TMEM108: variants seen among roughly 807,000 people sequenced by gnomAD.
TMEM108 encodes the protein cancer/testis antigen 124.
A neutral mutation model predicts 35.1 loss-of-function variants in TMEM108; 12 were observed. The observed-to-expected ratio is 0.34, with a 90% CI of 0.22 to 0.55. The LOEUF is 0.55. Among genes scored for constraint, TMEM108 ranks in the 20% least tolerant of loss-of-function variants. The pLI, the probability that TMEM108 is intolerant of heterozygous loss-of-function variation, is 0.89. For synonymous variants in TMEM108, 287 were observed against 308.6 expected (o/e 0.93, Z 0.73); for missense variants, 680 against 753.3 (o/e 0.90, Z 1.14).
chr3:133,353,303 T>C (rs957563405), intron 3 of TMEM108, among the ~76,000 whole-genome samples: 1 of 152,198 alleles, frequency 6.6e-6, no homozygotes, highest in African/African-American at 2.4e-5. Flanking sequence ...GTTGAAGCTA[T>C]GGAGTACAAT....
chr3:133,051,559 T>C (rs991054371), intron 2 of TMEM108, among the ~76,000 whole-genome samples: 1 of 152,126 alleles, frequency 6.6e-6, no homozygotes, highest in Non-Finnish European at 1.5e-5. Flanking sequence ...GATCATGCCT[T>C]TTGTGTTGTA....
rs1448544318 is a variant in TMEM108 at position 133,396,122 on chromosome 3, T to G, written c.*136T>G. On this transcript the variant is annotated 3_prime_UTR_variant, in exon 6 of 6. Coordinates refer to ENST00000321871, the MANE Select transcript of TMEM108 (RefSeq NM_023943.4). ...ATTTTCAGCTTTTTTTCCTATGAAT[T>G]GTCAACATCTTTTTTACAAGTGTGG... 3.7e-6 allele frequency: 2 copies of G among 540,446 alleles called. No homozygotes were observed. The highest frequency in any genetic ancestry group is 4.1e-5 in the African/African-American group (2 of 48,282). The allele number at this position is 540,446 out of a possible 1,614,324, so 33.5% of individuals were successfully genotyped here.
intron 3 of TMEM108, among the ~76,000 whole-genome samples, chr3:133,306,914 AT>A (rs1412715805): frequency 6.6e-6 from 1 of 152,094 alleles, no homozygotes; most frequent in Non-Finnish European, 1.5e-5. Context: ...GTCAAATGGT[AT>A]TTCTAGTTCT....
At chr3:133,041,566 A>T (rs866187585) in intron 1 of TMEM108, among the ~76,000 whole-genome samples, 5 of 152,236 alleles carry the variant, frequency 3.3e-5, no homozygotes, top group Non-Finnish European at 7.3e-5. Flanking sequence ...ATAACTGTTT[A>T]CATAAGGTAG....
chr3:133,178,503 C>T lies in TMEM108; in HGVS notation c.-46-50763C>T, dbSNP rs1054192227. 2.2e-3 allele frequency among the ~76,000 whole-genome samples: 331 copies of T among 151,760 alleles called. 5 individuals are homozygous for T. Among genetic ancestry groups the T allele is most frequent in the Non-Finnish European group, 4.6e-4 (31 of 67,840 alleles). On this transcript the variant is annotated intron_variant, in intron 2 of 5. Coordinates refer to ENST00000321871, the MANE Select transcript of TMEM108 (RefSeq NM_023943.4). ...AGAACAGAGCCCTCAGAAATAATGC[C>T]GCATATCTACAACCATCTGATCTTT...
chr3:133,256,412 A>G (rs1946546829), intron 3 of TMEM108, among the ~76,000 whole-genome samples: 1 of 152,270 alleles, frequency 6.6e-6, no homozygotes, highest in Non-Finnish European at 1.5e-5. Context: ...AAATTGGCAA[A>G]CATAGTAGTC....
chr3:133,264,668 A>C (rs143305325), intron 3 of TMEM108, among the ~76,000 whole-genome samples: 99 of 152,318 alleles, frequency 6.5e-4, no homozygotes, highest in African/African-American at 2.3e-3. Context: ...GGAACAGTCC[A>C]TGAAGCAAGT....
chr3:133,268,670 GTAAA>G (rs1946730994), intron 3 of TMEM108, among the ~76,000 whole-genome samples: 1 of 152,316 alleles, frequency 6.6e-6, no homozygotes, highest in Middle Eastern at 3.4e-3. Context: ...TGGTAACCAT[GTAAA>G]TAAATGTTGC....
chr3:133,336,557 C>T (rs1227581789), intron 3 of TMEM108, among the ~76,000 whole-genome samples: 1 of 151,974 alleles, frequency 6.6e-6, no homozygotes, highest in Non-Finnish European at 1.5e-5. Flanking sequence ...AGGTACTTTG[C>T]CATGGGTCTT....
At chr3:133,079,484 G>A (rs1042022771) in intron 2 of TMEM108, among the ~76,000 whole-genome samples, 2 of 152,200 alleles carry the variant, frequency 1.3e-5, no homozygotes, top group African/African-American at 4.8e-5. Context: ...AATATCTGAT[G>A]AGGGTCCGCT....
chr3:133,261,186 T>C (rs1946618258), intron 3 of TMEM108, among the ~76,000 whole-genome samples: 1 of 152,208 alleles, frequency 6.6e-6, no homozygotes, highest in African/African-American at 2.4e-5. Flanking sequence ...AAATATGTAA[T>C]ATCTGCTAGG....
In TMEM108 at chr3:133,326,014, T is replaced by C. The variant is rs551284262; in HGVS notation, c.41-53738T>C. Among the ~76,000 whole-genome samples, 3 of 152,276 alleles carry C rather than the reference T, an allele frequency of 2.0e-5. No homozygotes were observed. In the South Asian group the frequency reaches 6.2e-4, roughly 32 times the overall value. ...ATAAATAAATAAGATTGACCACATG[T>C]TGATCACTGATGTAGCTGGGTGATG... On this transcript the variant is annotated intron_variant, in intron 3 of 5. Coordinates refer to ENST00000321871, the MANE Select transcript of TMEM108 (RefSeq NM_023943.4).
At chr3:133,087,186 C>T (rs1198701418) in intron 2 of TMEM108, among the ~76,000 whole-genome samples, 2 of 152,146 alleles carry the variant, frequency 1.3e-5, no homozygotes. Context: ...GACTTTGACT[C>T]TGCTGTGTGT....
intron 2 of TMEM108, among the ~76,000 whole-genome samples, chr3:133,175,264 C>T (rs1440302422): frequency 2.6e-5 from 4 of 152,034 alleles, no homozygotes; most frequent in Non-Finnish European, 4.4e-5. Context: ...AGGATATTAT[C>T]CAGGAGAACT....
intron 3 of TMEM108, among the ~76,000 whole-genome samples, chr3:133,379,181 G>T (rs1313478648): frequency 6.6e-6 from 1 of 152,188 alleles, no homozygotes; most frequent in Middle Eastern, 3.2e-3. Flanking sequence ...CTCCATAATT[G>T]TTTGGCGAAT....
chr3:133,371,613 C>CAAAAAAAAAAAAAAAAAAAAAAAAAAAAA (rs3054624), intron 3 of TMEM108, among the ~76,000 whole-genome samples: 12 of 78,092 alleles, frequency 1.5e-4, no homozygotes, highest in African/African-American at 7.1e-4. Context: ...CACAAACCCA[C>CAAAAAAAAAAAAAAAAAAAAAAAAAAAAA]AAAAAAAAAA....
intron 2 of TMEM108, among the ~76,000 whole-genome samples, chr3:133,097,101 T>C (rs936967796): frequency 6.6e-6 from 1 of 152,262 alleles, no homozygotes; most frequent in Admixed American, 6.5e-5. Flanking sequence ...ACCTGGGTCA[T>C]TGTAGAAACA....
chr3:133,338,426 A>C (rs1247906768), intron 3 of TMEM108, among the ~76,000 whole-genome samples: 1 of 152,152 alleles, frequency 6.6e-6, no homozygotes, highest in Non-Finnish European at 1.5e-5. Flanking sequence ...TGAAGGAAAA[A>C]ACTTTTATCC....
At chr3:133,287,486 A>G (rs1947002225) in intron 3 of TMEM108, among the ~76,000 whole-genome samples, 1 of 152,196 alleles carries the variant, frequency 6.6e-6, no homozygotes, top group Non-Finnish European at 1.5e-5. Context: ...CCTGGAGGTT[A>G]ATAGAGTTAC....
Sources: allele counts gnomAD v4.1 joint callset (sites outside exome capture counted in the v4.1 genomes callset), GRCh38; gene constraint gnomAD v4.1.1; transcripts MANE v1.5; gene names NCBI Gene and HGNC (gene_info 2026-07-23, HGNC 2026-07-21).